The following MACROD2 variants were observed in gnomAD, a reference collection of about 807,000 sequenced individuals.
MACROD2 encodes the protein mono-ADP ribosylhydrolase 2.
In MACROD2, 36 loss-of-function variants were observed where a neutral mutation model predicts 70.4. The observed-to-expected ratio is 0.51, with a 90% CI of 0.39 to 0.68. The LOEUF (loss-of-function observed/expected upper bound fraction) is 0.68, where lower values mean the gene tolerates loss of function less well. Ranked by LOEUF, MACROD2 falls within the 30% of genes least tolerant of loss-of-function variation. The probability of loss-of-function intolerance (pLI) is 0.00; values close to 1 mark genes in which losing one functional copy is unlikely to be tolerated. For synonymous variants in MACROD2, 172 were observed against 178.8 expected, an observed-to-expected ratio of 0.96 and a Z score of 0.30; for missense variants, 496 against 538.4, an observed-to-expected ratio of 0.92 and a Z score of 0.78.
intron 4 of MACROD2, among the ~76,000 whole-genome samples, chr20:14,549,026 AG>A (rs1385102219): frequency 6.6e-6 from 1 of 152,214 alleles, no homozygotes; most frequent in Admixed American, 6.5e-5. Flanking sequence ...AGCCCACTCT[AG>A]TGGCCAGAGA....
At chr20:15,085,968 A>G (rs999713851) in intron 5 of MACROD2, among the ~76,000 whole-genome samples, 8 of 151,680 alleles carry the variant, frequency 5.3e-5, no homozygotes, top group African/African-American at 1.5e-4. Context: ...GGCCACCCAT[A>G]TCAACACTGC....
chr20:15,856,331 C>G (rs895955120), intron 8 of MACROD2, among the ~76,000 whole-genome samples: 1 of 152,184 alleles, frequency 6.6e-6, no homozygotes, highest in Admixed American at 6.5e-5. Flanking sequence ...AGCCATTGTA[C>G]TCAACATAGT....
At chr20:14,283,507 C>T (rs894754809) in intron 3 of MACROD2, among the ~76,000 whole-genome samples, 2 of 152,086 alleles carry the variant, frequency 1.3e-5, no homozygotes, top group African/African-American at 4.8e-5. Context: ...TGGTTTTGCA[C>T]TTACAGGTTA....
intron 7 of MACROD2, among the ~76,000 whole-genome samples, chr20:15,469,933 T>C (rs537280961): frequency 2.0e-5 from 3 of 152,354 alleles, no homozygotes; most frequent in Non-Finnish European, 2.9e-5. Flanking sequence ...AGCAATTTGC[T>C]CTAGGCCTCA....
intron 2 of MACROD2, among the ~76,000 whole-genome samples, chr20:14,063,810 C>T (rs1213787917): frequency 1.3e-5 from 2 of 152,162 alleles, no homozygotes; most frequent in African/African-American, 4.8e-5. Flanking sequence ...TCACTGCAGC[C>T]TTGACCTCCC....
chr20:15,821,974 G>A (rs1293731106), intron 8 of MACROD2, among the ~76,000 whole-genome samples: 1 of 152,138 alleles, frequency 6.6e-6, no homozygotes, highest in African/African-American at 2.4e-5. Flanking sequence ...CTGTGCAACA[G>A]TTAGGACACT....
At chr20:15,243,096 G>A (rs963162207) in intron 6 of MACROD2, among the ~76,000 whole-genome samples, 5 of 152,116 alleles carry the variant, frequency 3.3e-5, no homozygotes, top group African/African-American at 1.2e-4. Flanking sequence ...CTGCACCCAG[G>A]AACGAATGTG....
chr20:15,870,832 T>C (rs912152271), intron 9 of MACROD2, among the ~76,000 whole-genome samples: 1 of 152,204 alleles, frequency 6.6e-6, no homozygotes, highest in African/African-American at 2.4e-5. Flanking sequence ...TCTTAAGTAT[T>C]GTTAACACAG....
At chr20:14,448,316 A>C (rs957734000) in intron 3 of MACROD2, among the ~76,000 whole-genome samples, 1 of 152,006 alleles carries the variant, frequency 6.6e-6, no homozygotes, top group Non-Finnish European at 1.5e-5. Context: ...ATGTCCAGAG[A>C]TGTCATGGAG....
At chr20:14,186,048 A>T (rs955122896) in intron 3 of MACROD2, among the ~76,000 whole-genome samples, 1 of 152,126 alleles carries the variant, frequency 6.6e-6, no homozygotes, top group Non-Finnish European at 1.5e-5. Flanking sequence ...CCCCAGGTGT[A>T]TAGCTCTATC....
At chr20:15,339,159 AATAG>A (rs766187859) in intron 6 of MACROD2, among the ~76,000 whole-genome samples, 4 of 151,848 alleles carry the variant, frequency 2.6e-5, no homozygotes, top group East Asian at 1.9e-4. Context: ...GGTATGTATA[AATAG>A]ATAGGTAGAT....
intron 13 of MACROD2, among the ~76,000 whole-genome samples, chr20:15,980,928 G>A (rs1163442514): frequency 6.6e-6 from 1 of 152,176 alleles, no homozygotes; most frequent in South Asian, 2.1e-4. Context: ...GTAAATGGGG[G>A]TCCAGTATTC....
At chr20:14,909,591 T>A (rs1029253089) in intron 5 of MACROD2, among the ~76,000 whole-genome samples, 1 of 152,006 alleles carries the variant, frequency 6.6e-6, no homozygotes, top group Non-Finnish European at 1.5e-5. Flanking sequence ...GCCACCTGTA[T>A]AGCTGCTGTG....
In MACROD2 at chr20:14,039,816, T is replaced by A. The variant is rs183520305; in HGVS notation, c.163+37412T>A. On this transcript the variant is annotated intron_variant, in intron 2 of 17. Transcript: ENST00000684519. ...TGAATTTGCCATCTGTTTTTTTTTT[T>A]TTATTAAGTATGACCATTAAAACAG... Among the ~76,000 whole-genome samples the A allele has an allele frequency of 3.1e-3, 477 of 152,180 alleles. 1 individual carries two copies. The highest frequency in any genetic ancestry group is 5.7e-3 in the African/African-American group (235 of 41,548).
chr20:14,485,513 A>G (rs954434259), intron 3 of MACROD2, among the ~76,000 whole-genome samples: 1 of 152,020 alleles, frequency 6.6e-6, no homozygotes, highest in Admixed American at 6.5e-5. Context: ...CATCCTGGCT[A>G]ACACGGTGAA....
chr20:14,169,720 A>G (rs1319340738), intron 3 of MACROD2, among the ~76,000 whole-genome samples: 1 of 152,022 alleles, frequency 6.6e-6, no homozygotes, highest in Non-Finnish European at 1.5e-5. Context: ...CATCCTTTAT[A>G]ATATTTTTGT....
chr20:15,185,676 C>T (rs548518792), intron 5 of MACROD2, among the ~76,000 whole-genome samples: 1 of 152,250 alleles, frequency 6.6e-6, no homozygotes, highest in Non-Finnish European at 1.5e-5. Flanking sequence ...ATTAACTAGG[C>T]TGTCCCTTCT....
Position 14,132,831 on chromosome 20 carries a change from T to C in MACROD2, c.271+47103T>C, listed in dbSNP as rs184826587. On this transcript the variant is annotated intron_variant, in intron 3 of 17. Coordinates refer to ENST00000684519, the MANE Select transcript of MACROD2 (RefSeq NM_001351661.2). ...TTATTTTTATTTTTATTTGTAGAGTTGGGGTTGCTTTGTTGCCCAGGCTGG... is the reference window on the plus strand; with the variant it reads ...TTATTTTTATTTTTATTTGTAGAGTCGGGGTTGCTTTGTTGCCCAGGCTGG... Among the ~76,000 whole-genome samples, 23 of 152,064 alleles carry C rather than the reference T, an allele frequency of 1.5e-4. No homozygotes were observed. The East Asian group carries it at 4.3e-3, about 28-fold the overall frequency.
intron 10 of MACROD2, among the ~76,000 whole-genome samples, chr20:15,922,509 G>A (rs1264271616): frequency 6.6e-6 from 1 of 152,174 alleles, no homozygotes; most frequent in Non-Finnish European, 1.5e-5. Context: ...GTAGTCCGTG[G>A]AGTGCCCATA....
Sources: gnomAD v4.1 joint callset for allele counts (sites outside exome capture counted in the v4.1 genomes callset) on GRCh38, gnomAD v4.1.1 for gene constraint, MANE v1.5 for transcripts, NCBI Gene and HGNC (gene_info 2026-07-23, HGNC 2026-07-21) for gene names.